B3GAT2: variants seen among roughly 807,000 people sequenced by gnomAD.
B3GAT2 encodes galactosylgalactosylxylosylprotein 3-beta-glucuronosyltransferase 2.
Under a neutral mutation model 27.8 loss-of-function variants are expected in B3GAT2, and 26 were observed. The ratio of observed to expected loss-of-function variants is 0.93; its 90% CI spans 0.68 to 1.30. The LOEUF is 1.30. Among genes scored for constraint, B3GAT2 ranks in the 50% most tolerant of loss-of-function variants. B3GAT2 has a pLI of 0.00. For missense variants in B3GAT2, 458 were observed against 459.0 expected (o/e 1.00, Z 0.02); for synonymous variants, 218 against 195.1 (o/e 1.12, Z -0.98).
chr6:70,866,891 T>C (rs1185800228), intron 2 of B3GAT2, among the ~76,000 whole-genome samples: 4 of 152,224 alleles, frequency 2.6e-5, no homozygotes, highest in African/African-American at 9.6e-5. Context: ...TGGAACATTA[T>C]CACGATAGTT....
At chr6:70,903,677 T>TA (rs974638398) in intron 1 of B3GAT2, among the ~76,000 whole-genome samples, 3 of 151,454 alleles carry the variant, frequency 2.0e-5, no homozygotes, top group Admixed American at 2.0e-4. Context: ...TAAACAAAAT[T>TA]AAAAAACAGA....
At position 70,938,594 on chromosome 6, in the gene B3GAT2, ACG is replaced by A. The variant is rs750347294; in HGVS notation, c.591+17243_591+17244del. On this transcript the variant is annotated intron_variant, in intron 1 of 3. Transcript: ENST00000230053. ...GAACAGAACAGAGCCCTCAGAAATAACGCTGCATATCTACAACTATCTGATCT... is the reference window on the plus strand; with the variant it reads ...GAACAGAACAGAGCCCTCAGAAATAACTGCATATCTACAACTATCTGATCT... 3.2e-3 allele frequency among the ~76,000 whole-genome samples: 485 copies of A among 150,858 alleles called. 2 individuals are homozygous for A. The highest frequency in any genetic ancestry group is 6.5e-3 in the South Asian group (31 of 4,760).
chr6:70,901,452 C>A (rs1490447772), intron 1 of B3GAT2, among the ~76,000 whole-genome samples: 1 of 152,150 alleles, frequency 6.6e-6, no homozygotes, highest in East Asian at 1.9e-4. Context: ...AAGAAGCATT[C>A]AAATAAGACA....
chr6:70,904,244 A>C (rs1042100034), intron 1 of B3GAT2, among the ~76,000 whole-genome samples: 1 of 152,218 alleles, frequency 6.6e-6, no homozygotes, highest in Admixed American at 6.5e-5. Flanking sequence ...TGACTGCAAA[A>C]GGTCATAGGT....
In B3GAT2 at chr6:70,860,648, A is replaced by G. The variant is rs913683672; in HGVS notation, c.*1015T>C. The G allele has an allele frequency of 4.7e-6, 2 of 422,694 alleles. No individual in the cohort carries two copies. The highest frequency in any genetic ancestry group is 8.3e-6 in the Non-Finnish European group (2 of 239,960). The allele number at this position is 422,694 out of a possible 1,614,324, so 26.2% of individuals were successfully genotyped here. A position where few individuals can be genotyped will look rare whatever the true frequency, so the allele number is the denominator to read the frequency against. ...AAAATTATAGCTCTAATGTTTGCAT[A>G]TAAGGGAAGTAGTTATCATGTTAGT... On this transcript the variant is annotated 3_prime_UTR_variant, in exon 4 of 4. Coordinates refer to ENST00000230053, the MANE Select transcript of B3GAT2 (RefSeq NM_080742.3).
intron 1 of B3GAT2, among the ~76,000 whole-genome samples, chr6:70,943,729 G>A (rs1256153258): frequency 6.6e-6 from 1 of 151,926 alleles, no homozygotes; most frequent in African/African-American, 2.4e-5. Context: ...AATATCAAAT[G>A]GTCTATAAAT....
intron 2 of B3GAT2, among the ~76,000 whole-genome samples, chr6:70,870,338 C>G (rs1344179224): frequency 7.5e-6 from 1 of 133,560 alleles, no homozygotes; most frequent in African/African-American, 2.9e-5. Flanking sequence ...GGGAATTGAA[C>G]GATGAGAACA....
chr6:70,860,388 C>T lies in B3GAT2; in HGVS notation c.*1275G>A, dbSNP rs1046475859. 1.2e-5 allele frequency: 19 copies of T among 1,563,278 alleles called. No individual in the cohort carries two copies. The highest frequency in any genetic ancestry group is 5.5e-5 in the African/African-American group (4 of 73,040). On this transcript the variant is annotated 3_prime_UTR_variant, in exon 4 of 4. Coordinates refer to ENST00000230053, the MANE Select transcript of B3GAT2 (RefSeq NM_080742.3). Reference sequence around the variant, plus strand: ...TACCACCTGACATTCCTTGCTGAAACGCATCTAGTTCCCCTGTTTATTCAT... The same window carrying T: ...TACCACCTGACATTCCTTGCTGAAATGCATCTAGTTCCCCTGTTTATTCAT...
intron 1 of B3GAT2, among the ~76,000 whole-genome samples, chr6:70,914,239 C>T (rs981494994): frequency 4.6e-5 from 7 of 152,138 alleles, no homozygotes; most frequent in Admixed American, 4.6e-4. Context: ...CCCATCAACT[C>T]GTCATTTACA....
intron 1 of B3GAT2, among the ~76,000 whole-genome samples, chr6:70,896,775 C>T (rs762282382): frequency 1.3e-5 from 2 of 152,156 alleles, no homozygotes; most frequent in Admixed American, 6.5e-5. Flanking sequence ...TATTCTATTG[C>T]GTAGTTCATA....
chr6:70,956,278 C>A lies in B3GAT2; in HGVS notation c.152G>T (p.Arg51Leu), dbSNP rs1368581480. Residue 51 changes from arginine to leucine, a missense_variant, in exon 1 of 4, where the codon CGA (arginine) becomes CTA (leucine). Physicochemically the swap from Arg to Leu is moderately radical, Grantham distance 102 (BLOSUM62 -2). Transcript: ENST00000230053. ...CGGGCCGCCCCTGCGGAGCGGGAGT[C>A]GGGCGCCCCCGCGGCCCACCGCGTA... Reference protein sequence around the residue: ...SPYAVGRGGARLPLRRGGPAH... With the variant: ...SPYAVGRGGALLPLRRGGPAH... 1.9e-6 allele frequency: 3 copies of A among 1,606,614 alleles called. No homozygotes were observed. Among genetic ancestry groups the A allele is most frequent in the African/African-American group, 2.7e-5 (2 of 74,834 alleles).
intron 2 of B3GAT2, among the ~76,000 whole-genome samples, chr6:70,877,247 G>A (rs1274654166): frequency 6.6e-6 from 1 of 152,170 alleles, no homozygotes; most frequent in Non-Finnish European, 1.5e-5. Context: ...TACAGAGAGT[G>A]CTGGAGAAGG....
chr6:70,874,099 G>A (rs1361801656), intron 2 of B3GAT2, among the ~76,000 whole-genome samples: 2 of 151,968 alleles, frequency 1.3e-5, no homozygotes, highest in Non-Finnish European at 2.9e-5. Flanking sequence ...TTGTGTATTG[G>A]TCATGCTTTC....
Position 70,894,182 on chromosome 6 carries a change from C to A in B3GAT2, c.682G>T (p.Val228Phe). 5.6e-6 allele frequency: 9 copies of A among 1,613,786 alleles called. No homozygotes were observed. The highest frequency in any genetic ancestry group is 7.6e-6 in the Non-Finnish European group (9 of 1,179,756). Residue 228 changes from valine (V) to phenylalanine (F), a missense_variant, in exon 2 of 4, where the codon GTT becomes TTT. By Grantham distance (50) the Val-to-Phe change is conservative. Transcript: ENST00000230053. Reference sequence around the variant, plus strand: ...GCTCTCCAGCCGGTGTACCAGCCAACAACTTTGCCGTTTTCCACCAGCGGA... The same window carrying A: ...GCTCTCCAGCCGGTGTACCAGCCAAAAACTTTGCCGTTTTCCACCAGCGGA... ...ERPLVENGKVVGWYTGWRADR... is the reference protein window; with the variant it reads ...ERPLVENGKVFGWYTGWRADR...
At chr6:70,946,007 C>T (rs1052366620) in intron 1 of B3GAT2, among the ~76,000 whole-genome samples, 2 of 151,952 alleles carry the variant, frequency 1.3e-5, no homozygotes, top group Non-Finnish European at 2.9e-5. Flanking sequence ...AAATACTTTA[C>T]AGACAAGCAA....
chr6:70,890,510 G>A (rs188857598), intron 2 of B3GAT2, among the ~76,000 whole-genome samples: 11 of 152,298 alleles, frequency 7.2e-5, no homozygotes, highest in Admixed American at 7.2e-4. Context: ...GGCTGGTCCT[G>A]ACTTGTATTC....
chr6:70,875,261 T>C (rs1490619436), intron 2 of B3GAT2, among the ~76,000 whole-genome samples: 1 of 152,176 alleles, frequency 6.6e-6, no homozygotes, highest in African/African-American at 2.4e-5. Flanking sequence ...AACAGAAAAC[T>C]GCTACTTAAC....
chr6:70,881,161 GTA>G (rs928846746), intron 2 of B3GAT2, among the ~76,000 whole-genome samples: 6 of 152,112 alleles, frequency 3.9e-5, no homozygotes, highest in African/African-American at 1.2e-4. Flanking sequence ...AACCCTAACA[GTA>G]TCACTGACAC....
At chr6:70,874,060 G>A (rs933895480) in intron 2 of B3GAT2, among the ~76,000 whole-genome samples, 3 of 152,020 alleles carry the variant, frequency 2.0e-5, no homozygotes, top group African/African-American at 7.2e-5. Context: ...GACATTTTCA[G>A]GGACAGTTTC....
Sources: allele counts gnomAD v4.1 joint callset (sites outside exome capture counted in the v4.1 genomes callset), GRCh38; gene constraint gnomAD v4.1.1; transcripts MANE v1.5; gene names NCBI Gene and HGNC (gene_info 2026-07-23, HGNC 2026-07-21).